The following TNS3 variants were observed in gnomAD, a reference collection of about 807,000 sequenced individuals.
TNS3 encodes tensin-3.
In TNS3, 45 loss-of-function variants were observed where a neutral mutation model predicts 140.9. The ratio of observed to expected loss-of-function variants is 0.32; its 90% CI spans 0.25 to 0.41. TNS3 has a LOEUF of 0.41. Ranked by LOEUF, TNS3 falls within the 10% of genes least tolerant of loss-of-function variation. The pLI is 1.00. For missense variants in TNS3, 1,716 were observed against 1,906.7 expected, an observed-to-expected ratio of 0.90 and a Z score of 1.86; for synonymous variants, 815 against 788.4, an observed-to-expected ratio of 1.03 and a Z score of -0.56.
intron 17 of TNS3, among the ~76,000 whole-genome samples, chr7:47,363,304 A>T (rs1790501590): frequency 6.6e-6 from 1 of 152,102 alleles, no homozygotes; most frequent in African/African-American, 2.4e-5. Flanking sequence ...CATCACCATC[A>T]TCATCACCAT....
At chr7:47,300,146 T>C (rs1420211411) in intron 23 of TNS3, among the ~76,000 whole-genome samples, 1 of 152,222 alleles carries the variant, frequency 6.6e-6, no homozygotes, top group East Asian at 1.9e-4. Flanking sequence ...AATGTCATTG[T>C]AGCTTTTCTA....
At chr7:47,441,861 T>A in intron 5 of TNS3, 142 bp downstream of exon 5, 1 of 588,136 alleles carries the variant, frequency 1.7e-6, no homozygotes, top group Non-Finnish European at 2.8e-6. Context: ...CTGGCCTGTA[T>A]CACCTTTGAT....
At chr7:47,280,033 T>C (rs967595424) in intron 30 of TNS3, 131 bp downstream of exon 30, 3 of 1,137,396 alleles carry the variant, frequency 2.6e-6, no homozygotes, top group Non-Finnish European at 2.5e-6. Flanking sequence ...TACTTTTTTC[T>C]TTTTTAAAAG....
At chr7:47,380,114 T>C (rs1246431715) in intron 16 of TNS3, among the ~76,000 whole-genome samples, 1 of 152,220 alleles carries the variant, frequency 6.6e-6, no homozygotes, top group Non-Finnish European at 1.5e-5. Flanking sequence ...CTCTGGAATG[T>C]GGCGATAAAG....
rs148130910 is a variant in TNS3, at chr7:47,497,299, A to G, written c.-115+9608T>C. On this transcript the variant is annotated intron_variant, in intron 3 of 30. Coordinates refer to ENST00000311160, the MANE Select transcript of TNS3 (RefSeq NM_022748.12). The stretch of plus-strand genomic sequence containing the variant: ...AGCAACTGACACTGTAGACATCTAC[A>G]GTGATTCCTAATACAATGATGCAGA... 6.2e-3 allele frequency among the ~76,000 whole-genome samples: 944 copies of G among 152,276 alleles called. 11 individuals carry two copies. Among genetic ancestry groups the G allele is most frequent in the African/African-American group, 0.022 (895 of 41,548 alleles).
At chr7:47,507,089 C>T (rs80121140) in intron 2 of TNS3, 145 bp from the exon 3 acceptor site, 12 of 530,330 alleles carry the variant, frequency 2.3e-5, no homozygotes, top group South Asian at 2.1e-4. Flanking sequence ...GAGATTTTTA[C>T]ATATGACACA....
Position 47,357,627 on chromosome 7 carries a change from G to A in TNS3, c.2281+10738C>T, listed in dbSNP as rs117413188. ...GGAAATCATTAGCCAGGGTTCTGAC[G>A]GACATATCAAGACCAACCCAGGGAA... On this transcript the variant is annotated intron_variant, in intron 17 of 30. Transcript: ENST00000311160. Among the ~76,000 whole-genome samples the A allele has an allele frequency of 1.7e-3, 266 of 152,212 alleles. 1 individual carries two copies. The highest frequency in any genetic ancestry group is 2.9e-3 in the Non-Finnish European group (200 of 68,014).
In TNS3 at chr7:47,369,543, G is replaced by T; in HGVS notation, c.1103C>A (p.Pro368Gln). ...RKKSSSDPGI[P>Q]GGPQAIPATN... ...GGCCGGGATTGCCTGGGGGCCACCT[G>T]GGATGCCAGGATCCGAGGAGCTTTT... Residue 368 changes from proline (P) to glutamine (Q), a missense_variant, in exon 17 of 31, where the codon CCA (proline) becomes CAA (glutamine). Around this residue, in one of 3 missense-constraint regions of TNS3, gnomAD observed 1,163 missense variants for 1,182.1 expected, o/e 0.98. Coordinates refer to ENST00000311160, the MANE Select transcript of TNS3 (RefSeq NM_022748.12). The T allele has an allele frequency of 1.9e-6, 3 of 1,613,136 alleles. No individual in the cohort carries two copies. In the South Asian group the frequency reaches 3.3e-5, roughly 18 times the overall value.
intron 1 of TNS3, among the ~76,000 whole-genome samples, chr7:47,532,833 T>TATAATATCACTTGAAG (rs1401106038): frequency 6.6e-6 from 1 of 152,088 alleles, no homozygotes; most frequent in African/African-American, 2.4e-5. Flanking sequence ...TAGCCTGTGA[T>TATAATATCACTTGAAG]GTTACAGAGG....
chr7:47,546,350 G>C (rs910054007), intron 1 of TNS3, among the ~76,000 whole-genome samples: 4 of 152,144 alleles, frequency 2.6e-5, no homozygotes, highest in Admixed American at 1.3e-4. Flanking sequence ...CAGCACTGCT[G>C]TTCCGGAGCT....
chr7:47,579,546 T>G (rs558864068), intron 1 of TNS3: 6 of 152,292 alleles, frequency 3.9e-5, no homozygotes, highest in African/African-American at 1.4e-4. Context: ...ATCTAAACAA[T>G]GCTTTCTGCC....
chr7:47,556,016 T>C (rs1800186139), intron 1 of TNS3, among the ~76,000 whole-genome samples: 1 of 152,214 alleles, frequency 6.6e-6, no homozygotes, highest in Admixed American at 6.5e-5. Context: ...ATGCACGGTA[T>C]ACATGTGTGT....
chr7:47,341,940 G>A (rs1218049179), intron 20 of TNS3, among the ~76,000 whole-genome samples: 1 of 151,854 alleles, frequency 6.6e-6, no homozygotes, highest in South Asian at 2.1e-4. Context: ...GTATGTTTTT[G>A]GATTTCCCTC....
At chr7:47,549,880 TC>T (rs796386813) in intron 1 of TNS3, among the ~76,000 whole-genome samples, 18 of 152,248 alleles carry the variant, frequency 1.2e-4, no homozygotes, top group African/African-American at 4.3e-4. Flanking sequence ...TCCAGGTTTT[TC>T]ATGCTCTGAC....
intron 4 of TNS3, among the ~76,000 whole-genome samples, chr7:47,480,438 A>G (rs1797373267): frequency 6.6e-6 from 1 of 152,136 alleles, no homozygotes. Context: ...CCTGTATCCT[A>G]CTGTCTTGGC....
intron 3 of TNS3, among the ~76,000 whole-genome samples, chr7:47,490,692 T>G (rs559175560): frequency 1.3e-5 from 2 of 152,216 alleles, no homozygotes; most frequent in Non-Finnish European, 2.9e-5. Flanking sequence ...AGGTGCCCAG[T>G]GCCAATCGTT....
chr7:47,352,565 C>G (rs1002002091), intron 17 of TNS3, among the ~76,000 whole-genome samples: 4 of 152,246 alleles, frequency 2.6e-5, no homozygotes, highest in African/African-American at 9.6e-5. Context: ...TTCTCCCCAC[C>G]TGGGAGCTGC....
chr7:47,536,990 G>A (rs942169672), intron 1 of TNS3, among the ~76,000 whole-genome samples: 1 of 152,020 alleles, frequency 6.6e-6, no homozygotes, highest in Admixed American at 6.5e-5. Context: ...CCCGTGCCTC[G>A]CGCCCCTGGC....
chr7:47,297,283 T>C (rs1786089316), intron 23 of TNS3, 70 bp from the exon 24 acceptor site: 5 of 1,520,478 alleles, frequency 3.3e-6, no homozygotes, highest in Admixed American at 2.2e-5. Flanking sequence ...CTCATAACCT[T>C]GGGTAGGTCC....
Sources: gnomAD v4.1 joint callset for allele counts (sites outside exome capture counted in the v4.1 genomes callset) on GRCh38, gnomAD v4.1.1 for gene constraint, gnomAD v4.1.1 regional missense constraint, MANE v1.5 for transcripts, NCBI Gene and HGNC (gene_info 2026-07-23, HGNC 2026-07-21) for gene names.